MPPED2: variants seen among roughly 807,000 people sequenced by gnomAD.
The protein encoded by MPPED2 is metallophosphoesterase domain containing 2.
In MPPED2, 5 loss-of-function variants were observed where a neutral mutation model predicts 33.0. The ratio of observed to expected loss-of-function variants is 0.15; its 90% CI spans 0.08 to 0.32. The LOEUF (loss-of-function observed/expected upper bound fraction) is 0.32, where lower values mean the gene tolerates loss of function less well. Among genes scored for constraint, MPPED2 ranks in the 10% least tolerant of loss-of-function variants. MPPED2 has a pLI of 1.00. For synonymous variants in MPPED2, 136 were observed against 141.9 expected (o/e 0.96, Z 0.29); for missense variants, 275 against 372.1 (o/e 0.74, Z 2.15).
intron 2 of MPPED2, among the ~76,000 whole-genome samples, chr11:30,578,773 A>G (rs1957036806): frequency 6.6e-6 from 1 of 152,234 alleles, no homozygotes; most frequent in African/African-American, 2.4e-5. Flanking sequence ...AAATATTGTA[A>G]CATATTTGAA....
intron 4 of MPPED2, among the ~76,000 whole-genome samples, chr11:30,482,914 T>G (rs1951554604): frequency 6.6e-6 from 1 of 152,200 alleles, no homozygotes; most frequent in Non-Finnish European, 1.5e-5. Context: ...TAGAAGGTAA[T>G]TCCTACAGCA....
In MPPED2 at chr11:30,580,480, T is replaced by G. The variant is rs1285827775; in HGVS notation, c.-107A>C. ...CTGAATCCAAGGATCTACTCATCAATACCGCTGTGCATTTCTGAAAGAAAA... is the reference window on the plus strand; with the variant it reads ...CTGAATCCAAGGATCTACTCATCAAGACCGCTGTGCATTTCTGAAAGAAAA... On this transcript the variant is annotated 5_prime_UTR_variant, in exon 2 of 7. Transcript: ENST00000358117. The G allele has an allele frequency of 4.7e-6, 7 of 1,501,028 alleles. No homozygotes were observed. The highest frequency in any genetic ancestry group is 5.3e-6 in the Non-Finnish European group (6 of 1,122,704). The allele number at this position is 1,501,028 out of a possible 1,614,324, so 93.0% of individuals were successfully genotyped here. A position where few individuals can be genotyped will look rare whatever the true frequency, so the allele number is the denominator to read the frequency against.
intron 2 of MPPED2, among the ~76,000 whole-genome samples, chr11:30,545,994 G>A (rs907578467): frequency 9.9e-5 from 15 of 152,064 alleles, no homozygotes; most frequent in Non-Finnish European, 1.9e-4. Flanking sequence ...TGAGTAGCTG[G>A]GACTGCAGGT....
intron 6 of MPPED2, among the ~76,000 whole-genome samples, chr11:30,389,875 T>C (rs1372371683): frequency 2.0e-5 from 3 of 152,108 alleles, no homozygotes; most frequent in Admixed American, 6.5e-5. Context: ...CAGCAATAAT[T>C]TGGGGCATCA....
At chr11:30,449,989 C>G (rs1048268604) in intron 4 of MPPED2, among the ~76,000 whole-genome samples, 10 of 152,264 alleles carry the variant, frequency 6.6e-5, no homozygotes, top group Non-Finnish European at 1.0e-4. Flanking sequence ...CCCCCCAAAA[C>G]CACTTTTTTT....
intron 6 of MPPED2, among the ~76,000 whole-genome samples, chr11:30,401,866 TTTTTTTTC>T: frequency 1.1e-5 from 1 of 94,332 alleles, no homozygotes. Context: ...TTGTATTTTT[TTTTTTTTC>T]TTTTAGTAGA....
At chr11:30,545,409 T>C (rs986907781) in intron 2 of MPPED2, among the ~76,000 whole-genome samples, 1 of 152,158 alleles carries the variant, frequency 6.6e-6, no homozygotes, top group Admixed American at 6.5e-5. Context: ...AAATGTCTAC[T>C]GTAAGGGAGA....
intron 6 of MPPED2, among the ~76,000 whole-genome samples, chr11:30,401,767 C>T (rs890282329): frequency 8.5e-5 from 13 of 152,144 alleles, no homozygotes; most frequent in Non-Finnish European, 1.9e-4. Flanking sequence ...TCACTGCAAG[C>T]TCCATCTCTC....
chr11:30,519,594 T>A (rs1953739297), intron 3 of MPPED2, among the ~76,000 whole-genome samples: 1 of 151,988 alleles, frequency 6.6e-6, no homozygotes, highest in South Asian at 2.1e-4. Context: ...TACACAAACA[T>A]TTTCAGGCTC....
At chr11:30,489,466 T>A (rs1951878859) in intron 4 of MPPED2, among the ~76,000 whole-genome samples, 1 of 152,210 alleles carries the variant, frequency 6.6e-6, no homozygotes, top group Admixed American at 6.5e-5. Context: ...TTCAACATGG[T>A]TATGATAGGA....
At chr11:30,494,566 C>T (rs889424098) in intron 4 of MPPED2, among the ~76,000 whole-genome samples, 1 of 151,546 alleles carries the variant, frequency 6.6e-6, no homozygotes, top group African/African-American at 2.4e-5. Context: ...GGTGAAACCC[C>T]GTCTCTACTA....
At chr11:30,391,405 G>T (rs1180532423) in intron 6 of MPPED2, among the ~76,000 whole-genome samples, 1 of 152,168 alleles carries the variant, frequency 6.6e-6, no homozygotes, top group African/African-American at 2.4e-5. Flanking sequence ...GGTACCTAAC[G>T]TTATCAGTTG....
At chr11:30,581,697 T>C (rs1473793909) in intron 1 of MPPED2, among the ~76,000 whole-genome samples, 1 of 152,174 alleles carries the variant, frequency 6.6e-6, no homozygotes, top group Non-Finnish European at 1.5e-5. Flanking sequence ...GGCCATTTAT[T>C]TTATTATTTT....
chr11:30,546,608 C>T (rs1446049430), intron 2 of MPPED2, among the ~76,000 whole-genome samples: 1 of 152,110 alleles, frequency 6.6e-6, no homozygotes, highest in Non-Finnish European at 1.5e-5. Flanking sequence ...GCTAATGGGC[C>T]TTCTTTAAAG....
intron 3 of MPPED2, chr11:30,501,662 A>G (rs1952568706): frequency 1.0e-6 from 1 of 958,908 alleles, no homozygotes; most frequent in Non-Finnish European, 1.2e-6. Context: ...ACTCATGCAG[A>G]ATATCCAGAA....
intron 4 of MPPED2, among the ~76,000 whole-genome samples, chr11:30,475,242 C>T (rs1951130778): frequency 6.6e-6 from 1 of 151,832 alleles, no homozygotes; most frequent in South Asian, 2.1e-4. Context: ...TGAAATAAGC[C>T]CCAGAAGATG....
At chr11:30,555,091 C>T (rs570265077) in intron 2 of MPPED2, among the ~76,000 whole-genome samples, 1 of 152,178 alleles carries the variant, frequency 6.6e-6, no homozygotes, top group Non-Finnish European at 1.5e-5. Flanking sequence ...TCTCACTCAA[C>T]TACAAATTAT....
At chr11:30,562,463 C>G (rs918547207) in intron 2 of MPPED2, among the ~76,000 whole-genome samples, 3 of 152,120 alleles carry the variant, frequency 2.0e-5, no homozygotes. Context: ...CCTTCTTTCA[C>G]GTTTGGGAGA....
chr11:30,399,354 T>C (rs1947879246), intron 6 of MPPED2, among the ~76,000 whole-genome samples: 1 of 152,034 alleles, frequency 6.6e-6, no homozygotes, highest in African/African-American at 2.4e-5. Flanking sequence ...ATTACAAAGG[T>C]AAGAAAAAAA....
Sources: allele counts gnomAD v4.1 joint callset (sites outside exome capture counted in the v4.1 genomes callset), GRCh38; gene constraint gnomAD v4.1.1; transcripts MANE v1.5; gene names NCBI Gene and HGNC (gene_info 2026-07-23, HGNC 2026-07-21).